The following TMEM59 variants were observed in gnomAD, a reference collection of about 807,000 sequenced individuals.
TMEM59 encodes the protein transmembrane protein 59, also known as dendritic cell factor 1.
TMEM59 carries 44 observed loss-of-function variants against 42.2 expected under a neutral mutation model. The observed-to-expected ratio is 1.04, with a 90% CI of 0.82 to 1.34. The LOEUF is 1.34. TMEM59 is among the 40% of genes most tolerant of loss of function. The probability of loss-of-function intolerance (pLI) is 0.00; values close to 1 mark genes in which losing one functional copy is unlikely to be tolerated. For synonymous variants in TMEM59, 148 were observed against 145.8 expected (o/e 1.02, Z -0.11); for missense variants, 359 against 382.8 (o/e 0.94, Z 0.52).
At chr1:54,037,361 C>T (rs1283023906) in intron 6 of TMEM59, among the ~76,000 whole-genome samples, 1 of 152,174 alleles carries the variant, frequency 6.6e-6, no homozygotes, top group Admixed American at 6.5e-5. Context: ...TTATGAGAAT[C>T]AGCAATTAGA....
intron 1 of TMEM59, among the ~76,000 whole-genome samples, chr1:54,050,566 C>CTTTCTT (rs543398131): frequency 0.089 from 12,547 of 141,388 alleles, 1,279 homozygotes; most frequent in African/African-American, 0.25. Flanking sequence ...AAATATGTTT[C>CTTTCTT]TTTTTTTTTT....
chr1:54,040,322 T>C (rs1557676094), intron 6 of TMEM59, among the ~76,000 whole-genome samples: 1 of 151,882 alleles, frequency 6.6e-6, no homozygotes, highest in Non-Finnish European at 1.5e-5. Flanking sequence ...CCGGCTAATT[T>C]TTGTATTTTC....
chr1:54,031,933 GT>G lies in TMEM59; in HGVS notation c.*216del, dbSNP rs1319972045. On this transcript the variant is annotated 3_prime_UTR_variant, in exon 8 of 8. Coordinates refer to ENST00000234831, the MANE Select transcript of TMEM59 (RefSeq NM_004872.5). ...AAAAACAAAATAGCTACAGATATTAGTAAAATAATAATACAATCCCAAACAT... is the reference window on the plus strand; with the variant it reads ...AAAAACAAAATAGCTACAGATATTAGAAAATAATAATACAATCCCAAACAT... The G allele has an allele frequency of 3.2e-5, 13 of 406,466 alleles. No individual in the cohort carries two copies. The highest frequency in any genetic ancestry group is 2.3e-4 in the African/African-American group (11 of 48,746). 25.2% of individuals were successfully genotyped at this position (406,466 alleles called of 1,614,324 possible).
intron 2 of TMEM59, 75 bp downstream of exon 2, chr1:54,047,192 A>C: frequency 8.1e-7 from 1 of 1,241,526 alleles, no homozygotes; most frequent in Non-Finnish European, 1.1e-6. Context: ...CCATTTCCTA[A>C]AGAAAATACT....
At chr1:54,050,219 G>A (rs1220102311) in intron 1 of TMEM59, among the ~76,000 whole-genome samples, 2 of 151,642 alleles carry the variant, frequency 1.3e-5, no homozygotes, top group Admixed American at 6.6e-5. Flanking sequence ...TCCACCGCCC[G>A]GGTTCCAGCG....
chr1:54,032,346 T>C, intron 7 of TMEM59, 41 bp from the exon 8 acceptor site: 3 of 1,479,122 alleles, frequency 2.0e-6, no homozygotes, highest in Non-Finnish European at 2.7e-6. Flanking sequence ...TCTGGATAAT[T>C]AGGAACCTCT....
rs186835469 is a variant in TMEM59, at chr1:54,043,197, G to A, written c.543+176C>T. ...TTAGATTAGGCTTCTAACGGGCAAAGGGAAGGGTAATAAAACTGATGTCTA... is the reference window on the plus strand; with the variant it reads ...TTAGATTAGGCTTCTAACGGGCAAAAGGAAGGGTAATAAAACTGATGTCTA... On this transcript the variant is annotated intron_variant, in intron 4 of 7. Transcript: ENST00000234831. 3.8e-3 allele frequency among the ~76,000 whole-genome samples: 575 copies of A among 152,278 alleles called. 4 individuals carry two copies. The highest frequency in any genetic ancestry group is 0.013 in the African/African-American group (527 of 41,544).
At chr1:54,052,913 G>C in intron 1 of TMEM59, 87 bp downstream of exon 1, 1 of 1,450,900 alleles carries the variant, frequency 6.9e-7, no homozygotes, top group Non-Finnish European at 9.4e-7. Flanking sequence ...CGATTTAACA[G>C]CCAGGTTGCC....
intron 3 of TMEM59, 97 bp from the exon 4 acceptor site, chr1:54,043,622 G>A: frequency 1.3e-6 from 1 of 791,288 alleles, no homozygotes; most frequent in Non-Finnish European, 1.7e-6. Flanking sequence ...TATTGGGACA[G>A]GATACAAACA....
At position 54,042,028 on chromosome 1, in the gene TMEM59, G is replaced by A. The variant is rs182010381; in HGVS notation, c.544-223C>T. ...ACAGATTTCTGGCAGATTTATGTTA[G>A]TTTAACTTCCTGACAACGTTTTGTT... On this transcript the variant is annotated intron_variant, in intron 4 of 7. Coordinates refer to ENST00000234831, the MANE Select transcript of TMEM59 (RefSeq NM_004872.5). Among the ~76,000 whole-genome samples, 146 of 148,832 alleles carry A rather than the reference G, an allele frequency of 9.8e-4. 1 individual carries two copies. The highest frequency in any genetic ancestry group is 3.5e-3 in the African/African-American group (140 of 39,906).
rs1656660753 is a variant in TMEM59, at chr1:54,028,178, A to C, written c.*3972T>G. ...ATGGGGCAGCCTTCCCAGTTTGCTC[A>C]AACATTCTGTTGCCAGGCTGTGACC... On this transcript the variant is annotated 3_prime_UTR_variant, in exon 8 of 8. Coordinates refer to ENST00000234831, the MANE Select transcript of TMEM59 (RefSeq NM_004872.5). 6.6e-6 allele frequency: 1 copy of C among 152,226 alleles called. No homozygotes were observed. The highest frequency in any genetic ancestry group is 6.5e-5 in the Admixed American group (1 of 15,284). The allele number at this position is 152,226 out of a possible 1,614,324, so 9.4% of individuals were successfully genotyped here.
chr1:54,050,463 G>A (rs1285279409), intron 1 of TMEM59, among the ~76,000 whole-genome samples: 3 of 151,694 alleles, frequency 2.0e-5, no homozygotes, highest in African/African-American at 7.3e-5. Flanking sequence ...CGCTATGTGA[G>A]TTTGAAAATT....
At chr1:54,035,628 T>C (rs931084761) in intron 7 of TMEM59, among the ~76,000 whole-genome samples, 10 of 152,160 alleles carry the variant, frequency 6.6e-5, no homozygotes, top group African/African-American at 2.4e-4. Context: ...TTCTTTTCTT[T>C]TGAGACTCAG....
chr1:54,045,415 C>A, intron 3 of TMEM59: 1 of 364,208 alleles, frequency 2.7e-6, no homozygotes, highest in South Asian at 7.1e-5. Context: ...TTCCTCTGAG[C>A]CTTGGTTTTT....
chr1:54,036,491 C>A, intron 7 of TMEM59, 119 bp downstream of exon 7: 1 of 683,192 alleles, frequency 1.5e-6, no homozygotes, highest in South Asian at 2.8e-5. Flanking sequence ...CACATTAAAA[C>A]CACCACATCT....
In TMEM59 at chr1:54,047,369, C is replaced by T. The variant is rs1657377136; in HGVS notation, c.193G>A (p.Glu65Lys). The change falls in exon 2 of 8, where the codon GAG becomes AAG. Residue 65 changes from glutamate (E) to lysine (K), a missense_variant. Coordinates refer to ENST00000234831, the MANE Select transcript of TMEM59 (RefSeq NM_004872.5). ...CCTCTCTGACATGCGTACAACTCCT[C>T]TTCCTAGGGAGTTCAAGAACAGGAA... ...TYPLHTYPKEEELYACQRGCR... is the reference protein window; with the variant it reads ...TYPLHTYPKEKELYACQRGCR... 1.9e-6 allele frequency: 3 copies of T among 1,609,782 alleles called. No individual in the cohort carries two copies. The highest frequency in any genetic ancestry group is 1.7e-5 in the Admixed American group (1 of 58,560).
At chr1:54,052,898 A>C in intron 1 of TMEM59, 102 bp downstream of exon 1, 1 of 1,320,324 alleles carries the variant, frequency 7.6e-7, no homozygotes, top group Non-Finnish European at 1.1e-6. Flanking sequence ...CAGCGATTGA[A>C]GGGCCGATTT....
In TMEM59 at chr1:54,036,541, TAAAC is replaced by T. The variant is rs1036622284; in HGVS notation, c.816+65_816+68del. On this transcript the variant is annotated intron_variant, in intron 7 of 7. Coordinates refer to ENST00000234831, the MANE Select transcript of TMEM59 (RefSeq NM_004872.5). ...AGTAGAAAGGCCTTGTTTTTCCAGCTAAACAAATAAGGTGTTTAAAATGATATAT... is the reference window on the plus strand; with the variant it reads ...AGTAGAAAGGCCTTGTTTTTCCAGCTAAATAAGGTGTTTAAAATGATATAT... 4.2e-6 allele frequency: 5 copies of T among 1,187,786 alleles called. No individual in the cohort carries two copies. The African/African-American group carries it at 6.4e-5, about 15-fold the overall frequency. 73.6% of individuals were successfully genotyped at this position (1,187,786 alleles called of 1,614,324 possible).
At chr1:54,045,380 A>G in intron 3 of TMEM59, 1 of 299,406 alleles carries the variant, frequency 3.3e-6, no homozygotes. Flanking sequence ...GGGAGTTGGG[A>G]TGGAGAAAAA....
Sources: allele counts gnomAD v4.1 joint callset (sites outside exome capture counted in the v4.1 genomes callset), GRCh38; gene constraint gnomAD v4.1.1; transcripts MANE v1.5; gene names NCBI Gene and HGNC (gene_info 2026-07-23, HGNC 2026-07-21).